The following TENM3 variants were observed in gnomAD, a reference collection of about 807,000 sequenced individuals.
TENM3 encodes teneurin-3.
Under a neutral mutation model 255.1 loss-of-function variants are expected in TENM3, and 63 were observed. The observed-to-expected ratio is 0.25, with a 90% CI of 0.20 to 0.30. The LOEUF (loss-of-function observed/expected upper bound fraction) is 0.30. Ranked by LOEUF, TENM3 falls within the 10% of genes least tolerant of loss-of-function variation. TENM3 has a pLI of 1.00. For missense variants in TENM3, 2,929 were observed against 3,461.1 expected (o/e 0.85, Z 3.86); for synonymous variants, 1,306 against 1,322.3 (o/e 0.99, Z 0.27).
chr4:182,076,817 C>T, the TENM3 span, among the ~76,000 whole-genome samples: 6 of 152,118 alleles, frequency 3.9e-5, no homozygotes, highest in East Asian at 1.9e-4. Flanking sequence ...CAGCCGTAGA[C>T]GAGATGTAAG....
intron 3 of TENM3, among the ~76,000 whole-genome samples, chr4:182,529,632 G>C (rs1173114379): frequency 3.9e-5 from 6 of 152,048 alleles, no homozygotes; most frequent in Admixed American, 3.3e-4. Flanking sequence ...CCTTCTCCCT[G>C]TAATAACCAG....
At chr4:181,510,579 A>C in the TENM3 span, among the ~76,000 whole-genome samples, 1 of 152,246 alleles carries the variant, frequency 6.6e-6, no homozygotes, top group Non-Finnish European at 1.5e-5. Context: ...TAAAAAAAGA[A>C]AGTGTAACAA....
intron 5 of TENM3, among the ~76,000 whole-genome samples, chr4:182,632,587 G>A (rs1751472127): frequency 6.6e-6 from 1 of 151,904 alleles, no homozygotes. Context: ...CTTTTCTATT[G>A]GGGCTATTCT....
Position 182,324,065 on chromosome 4 carries a change from C to T in TENM3, c.45C>T (p.Ser15=). The T allele has an allele frequency of 6.8e-6, 11 of 1,613,984 alleles. No individual in the cohort carries two copies. The highest frequency in any genetic ancestry group is 9.3e-6 in the Non-Finnish European group (11 of 1,179,900). ...ERRPYCSLTK[S]RREKERRYTN... ...GGCCTTACTGCTCCCTGACCAAGAG[C>T]AGACGAGAGAAGGAACGGCGCTACA... Residue 15 remains serine, a synonymous_variant, in exon 2 of 28, where the codon AGC becomes AGT. Coordinates refer to ENST00000511685, the MANE Select transcript of TENM3 (RefSeq NM_001080477.4).
At chr4:182,100,684 CATAT>C in the TENM3 span, among the ~76,000 whole-genome samples, 2 of 80,680 alleles carry the variant, frequency 2.5e-5, no homozygotes, top group African/African-American at 9.7e-5. Context: ...TATATACACA[CATAT>C]ATATACACAC....
At chr4:181,611,432 C>G in the TENM3 span, among the ~76,000 whole-genome samples, 1 of 152,124 alleles carries the variant, frequency 6.6e-6, no homozygotes, top group Non-Finnish European at 1.5e-5. Flanking sequence ...TTTATTCCTC[C>G]TCTTCTGCGT....
At chr4:182,689,660 A>G (rs1030906400) in intron 12 of TENM3, among the ~76,000 whole-genome samples, 3 of 152,124 alleles carry the variant, frequency 2.0e-5, no homozygotes, top group African/African-American at 7.2e-5. Context: ...AGGAGAGGTC[A>G]TGTGTAGCAT....
At chr4:181,459,252 T>C in the TENM3 span, among the ~76,000 whole-genome samples, 1 of 151,814 alleles carries the variant, frequency 6.6e-6, no homozygotes, top group African/African-American at 2.4e-5. Flanking sequence ...TATATTAATA[T>C]TTATTATGGA....
chr4:182,054,223 C>T, the TENM3 span, among the ~76,000 whole-genome samples: 1 of 152,204 alleles, frequency 6.6e-6, no homozygotes, highest in Non-Finnish European at 1.5e-5. Context: ...CTTCTCTCCT[C>T]CTGCCCACTG....
At chr4:181,891,474 C>A in the TENM3 span, among the ~76,000 whole-genome samples, 1 of 152,302 alleles carries the variant, frequency 6.6e-6, no homozygotes, top group East Asian at 1.9e-4. Flanking sequence ...TCTTCCTTGG[C>A]TTCTCTTAGC....
the TENM3 span, among the ~76,000 whole-genome samples, chr4:181,767,165 T>C: frequency 0.47 from 67,058 of 142,078 alleles, 16,125 homozygotes; most frequent in Non-Finnish European, 0.53. Context: ...GGCAGGAGAA[T>C]GGCGTGAACC....
the TENM3 span, among the ~76,000 whole-genome samples, chr4:181,886,055 T>G: frequency 2.6e-4 from 39 of 148,474 alleles, no homozygotes; most frequent in African/African-American, 8.6e-4. Context: ...TGGGTTTTTT[T>G]TTTTTTTTTT....
chr4:181,811,904 G>C, the TENM3 span, among the ~76,000 whole-genome samples: 1 of 152,186 alleles, frequency 6.6e-6, no homozygotes, highest in African/African-American at 2.4e-5. Context: ...TGAATACTTA[G>C]ACTGTGAATT....
At chr4:181,863,499 C>G in the TENM3 span, among the ~76,000 whole-genome samples, 1 of 152,002 alleles carries the variant, frequency 6.6e-6, no homozygotes, top group African/African-American at 2.4e-5. Flanking sequence ...AAATTATAGG[C>G]AAAAAGTTAA....
At chr4:182,726,546 T>C (rs1760200235) in intron 13 of TENM3, among the ~76,000 whole-genome samples, 1 of 152,098 alleles carries the variant, frequency 6.6e-6, no homozygotes, top group Non-Finnish European at 1.5e-5. Context: ...TTTAGATTGT[T>C]TGTGAAATTC....
the TENM3 span, among the ~76,000 whole-genome samples, chr4:181,654,410 T>TAA: frequency 6.6e-6 from 1 of 152,032 alleles, no homozygotes; most frequent in Non-Finnish European, 1.5e-5. Flanking sequence ...CTCTCTGGTG[T>TAA]AAAATGGCAT....
chr4:182,274,215 G>C (rs1266178451), intron 1 of TENM3, among the ~76,000 whole-genome samples: 1 of 152,180 alleles, frequency 6.6e-6, no homozygotes, highest in Admixed American at 6.5e-5. Flanking sequence ...TGGTGGATAG[G>C]TAATTCACAC....
intron 1 of TENM3, among the ~76,000 whole-genome samples, chr4:182,244,548 C>T (rs749690020): frequency 3.3e-5 from 5 of 152,082 alleles, no homozygotes; most frequent in Admixed American, 6.5e-5. Context: ...CTTCCCATTC[C>T]GAAATTTTAA....
At chr4:182,025,057 C>G in the TENM3 span, among the ~76,000 whole-genome samples, 2 of 111,086 alleles carry the variant, frequency 1.8e-5, no homozygotes, top group South Asian at 2.7e-4. Context: ...GAGATGGAGT[C>G]TTGCTTTGTT....
Sources: gnomAD v4.1 joint callset for allele counts (sites outside exome capture counted in the v4.1 genomes callset) on GRCh38, gnomAD v4.1.1 for gene constraint, MANE v1.5 for transcripts, NCBI Gene and HGNC (gene_info 2026-07-23, HGNC 2026-07-21) for gene names.